Variants in SDK1 observed in about 807,000 individuals in gnomAD.
The protein encoded by SDK1 is protein sidekick-1.
In SDK1, 157 loss-of-function variants were observed where a neutral mutation model predicts 245.5. That is an observed-to-expected ratio of 0.64 (90% confidence interval 0.56 to 0.73). SDK1 has a LOEUF of 0.73. Among genes scored for constraint, SDK1 ranks in the 30% least tolerant of loss-of-function variants. The pLI is 0.00. For synonymous variants in SDK1, 1,647 were observed against 1,278.5 expected (o/e 1.29, Z -6.15); for missense variants, 3,583 against 3,002.3 (o/e 1.19, Z -4.52).
At chr7:4,093,132 C>G (rs1225662945) in intron 22 of SDK1, among the ~76,000 whole-genome samples, 1 of 151,954 alleles carries the variant, frequency 6.6e-6, no homozygotes, top group Non-Finnish European at 1.5e-5. Flanking sequence ...AAAGCAGCAG[C>G]TTTTATAGGT....
intron 5 of SDK1, among the ~76,000 whole-genome samples, chr7:3,868,108 A>G (rs1015706685): frequency 6.6e-6 from 1 of 152,228 alleles, no homozygotes; most frequent in South Asian, 2.1e-4. Flanking sequence ...TGTGGCGTGG[A>G]AAGTTCAAAA....
At chr7:3,950,865 G>C in intron 5 of SDK1, 58 bp from the exon 6 acceptor site, 4 of 1,314,666 alleles carry the variant, frequency 3.0e-6, no homozygotes, top group South Asian at 2.7e-5. Flanking sequence ...CTCAGATAAC[G>C]GCGGGGGGTG....
chr7:4,074,908 ATATATATAT>A lies in SDK1; in HGVS notation c.3011-2088_3011-2080del, dbSNP rs1421789801. ...TCTGTATATATATATATATATATAT[ATATATATAT>A]TTTTTTTTTTTTTTAATAAAGTTAG... On this transcript the variant is annotated intron_variant, in intron 20 of 44. Coordinates refer to ENST00000404826, the MANE Select transcript of SDK1 (RefSeq NM_152744.4). Among the ~76,000 whole-genome samples, 112 of 77,390 alleles carry A rather than the reference ATATATATAT, an allele frequency of 1.4e-3. 1 individual carries two copies. Among genetic ancestry groups the A allele is most frequent in the African/African-American group, 5.0e-3 (51 of 10,292 alleles). 50.8% of individuals were successfully genotyped at this position (77,390 alleles called of 152,430 possible).
chr7:3,516,118 C>CTTTT (rs11371619), intron 1 of SDK1, among the ~76,000 whole-genome samples: 1 of 140,006 alleles, frequency 7.1e-6, no homozygotes, highest in Non-Finnish European at 1.6e-5. Flanking sequence ...AAGATATTTT[C>CTTTT]TTTTTTTTTT....
At chr7:3,810,419 A>T (rs1186412246) in intron 4 of SDK1, among the ~76,000 whole-genome samples, 1 of 151,034 alleles carries the variant, frequency 6.6e-6, no homozygotes, top group Admixed American at 6.6e-5. Flanking sequence ...CTCTGTAAAA[A>T]CTCCTCCTTC....
At chr7:3,728,527 T>C (rs1036848591) in intron 4 of SDK1, among the ~76,000 whole-genome samples, 2 of 152,242 alleles carry the variant, frequency 1.3e-5, no homozygotes, top group Admixed American at 1.3e-4. Context: ...CCAGCATTTC[T>C]TTCTGGTCAA....
chr7:3,709,968 G>A (rs756024109), intron 4 of SDK1, among the ~76,000 whole-genome samples: 1 of 152,066 alleles, frequency 6.6e-6, no homozygotes, highest in Non-Finnish European at 1.5e-5. Flanking sequence ...TGTTCTCTCT[G>A]CTTTTATATC....
chr7:3,537,166 A>T (rs1756681549), intron 1 of SDK1, among the ~76,000 whole-genome samples: 1 of 152,188 alleles, frequency 6.6e-6, no homozygotes, highest in South Asian at 2.1e-4. Flanking sequence ...TACCGATCTG[A>T]TACCTATCAT....
chr7:4,247,839 C>T (rs182388984), intron 44 of SDK1, among the ~76,000 whole-genome samples: 174 of 152,214 alleles, frequency 1.1e-3, no homozygotes, highest in African/African-American at 3.9e-3. Flanking sequence ...AAGCTGACAC[C>T]CAGCCAGACC....
At chr7:4,257,775 A>C (rs2128242553) in intron 44 of SDK1, among the ~76,000 whole-genome samples, 1 of 152,364 alleles carries the variant, frequency 6.6e-6, no homozygotes, top group South Asian at 2.1e-4. Context: ...CTGGCCACTC[A>C]GAACTCACGG....
chr7:3,734,625 G>A (rs983717943), intron 4 of SDK1, among the ~76,000 whole-genome samples: 6 of 152,208 alleles, frequency 3.9e-5, no homozygotes, highest in Admixed American at 3.3e-4. Context: ...CCCAAACTCC[G>A]TCAAATGAAA....
At chr7:3,466,212 C>G (rs751754983) in intron 1 of SDK1, among the ~76,000 whole-genome samples, 5 of 151,728 alleles carry the variant, frequency 3.3e-5, no homozygotes, top group African/African-American at 1.2e-4. Flanking sequence ...ATAGGGAGAG[C>G]CTTAGGAGTC....
At chr7:4,034,569 T>C (rs1360584578) in intron 17 of SDK1, among the ~76,000 whole-genome samples, 1 of 152,188 alleles carries the variant, frequency 6.6e-6, no homozygotes, top group Admixed American at 6.5e-5. Flanking sequence ...TTTCTCATTC[T>C]TTTTCATTTA....
chr7:3,390,207 C>T (rs543966168), intron 1 of SDK1, among the ~76,000 whole-genome samples: 8 of 152,108 alleles, frequency 5.3e-5, no homozygotes, highest in South Asian at 4.1e-4. Flanking sequence ...AGCTTCATGC[C>T]GGAGGGTTCC....
At chr7:4,059,518 G>A (rs1779404137) in intron 19 of SDK1, among the ~76,000 whole-genome samples, 1 of 152,190 alleles carries the variant, frequency 6.6e-6, no homozygotes, top group Admixed American at 6.5e-5. Context: ...CCCCCTCTCA[G>A]CATTAGACAG....
Position 4,119,856 on chromosome 7 carries a change from A to G in SDK1, c.3823+5582A>G, listed in dbSNP as rs975899508. On this transcript the variant is annotated intron_variant, in intron 25 of 44. Transcript: ENST00000404826. The stretch of plus-strand genomic sequence containing the variant: ...AAAAGAGAGAAAGATAGAGGGCTTC[A>G]ATTACATTAACATACATACAAGTCT... 3.3e-4 allele frequency among the ~76,000 whole-genome samples: 49 copies of G among 149,304 alleles called. 9 individuals are homozygous for G. Among genetic ancestry groups the G allele is most frequent in the Middle Eastern group, 3.5e-3 (1 of 284 alleles).
intron 25 of SDK1, among the ~76,000 whole-genome samples, chr7:4,115,555 C>G (rs1199184645): frequency 6.6e-6 from 1 of 152,198 alleles, no homozygotes. Context: ...TTTTTGCTGT[C>G]GTAGACATGG....
At chr7:3,552,368 C>T (rs1384441952) in intron 1 of SDK1, among the ~76,000 whole-genome samples, 3 of 152,116 alleles carry the variant, frequency 2.0e-5, no homozygotes, top group African/African-American at 7.2e-5. Flanking sequence ...CCCTGTGGTT[C>T]CTGGAAGTTG....
At chr7:3,558,590 G>A (rs1455003078) in intron 1 of SDK1, among the ~76,000 whole-genome samples, 2 of 152,236 alleles carry the variant, frequency 1.3e-5, no homozygotes, top group Non-Finnish European at 2.9e-5. Context: ...ATTGCTCTGT[G>A]AAGGGAGTAA....
Sources: allele counts gnomAD v4.1 joint callset (sites outside exome capture counted in the v4.1 genomes callset), GRCh38; gene constraint gnomAD v4.1.1; transcripts MANE v1.5; gene names NCBI Gene and HGNC (gene_info 2026-07-23, HGNC 2026-07-21).